MAGI1: variants seen among roughly 807,000 people sequenced by gnomAD.
MAGI1 encodes membrane-associated guanylate kinase, WW and PDZ domain-containing protein 1.
A neutral mutation model predicts 139.9 loss-of-function variants in MAGI1; 58 were observed. The observed-to-expected ratio is 0.41, with a 90% confidence interval of 0.34 to 0.52. The LOEUF is 0.52. MAGI1 is among the 20% of genes least tolerant of loss of function. MAGI1 has a pLI of 0.12. For synonymous variants in MAGI1, 812 were observed against 737.9 expected, an observed-to-expected ratio of 1.10 and a Z score of -1.63; for missense variants, 1,874 against 1,901.6, an observed-to-expected ratio of 0.99 and a Z score of 0.27.
chr3:65,520,450 C>A (rs1196130036), intron 2 of MAGI1, among the ~76,000 whole-genome samples: 1 of 152,140 alleles, frequency 6.6e-6, no homozygotes. Context: ...TTTTCCTGAA[C>A]CTCAGTCAGT....
At chr3:65,663,068 A>T (rs772259431) in intron 1 of MAGI1, among the ~76,000 whole-genome samples, 1 of 152,210 alleles carries the variant, frequency 6.6e-6, no homozygotes, top group Non-Finnish European at 1.5e-5. Context: ...CTGGGAATTC[A>T]ATACATATGT....
chr3:65,653,408 T>C (rs1486300144), intron 1 of MAGI1, among the ~76,000 whole-genome samples: 1 of 152,188 alleles, frequency 6.6e-6, no homozygotes. Context: ...TTGCATTCTT[T>C]CATGGGCTTT....
chr3:65,875,505 T>TTGCATGAGGAAA (rs1365560726), intron 1 of MAGI1, among the ~76,000 whole-genome samples: 1 of 152,176 alleles, frequency 6.6e-6, no homozygotes, highest in Non-Finnish European at 1.5e-5. Context: ...GCTACTGAGG[T>TTGCATGAGGAAA]TGCATGAGGA....
intron 12 of MAGI1, among the ~76,000 whole-genome samples, chr3:65,412,850 C>T (rs1945899546): frequency 1.3e-5 from 2 of 152,164 alleles, no homozygotes; most frequent in Non-Finnish European, 2.9e-5. Context: ...GACTTCCCAT[C>T]ACCACAGATG....
intron 1 of MAGI1, among the ~76,000 whole-genome samples, chr3:66,019,454 C>A (rs2067847891): frequency 6.6e-6 from 1 of 152,210 alleles, no homozygotes; most frequent in South Asian, 2.1e-4. Flanking sequence ...TTGAAAACCA[C>A]TGATCTTGAA....
At chr3:65,675,155 T>A (rs1466587580) in intron 1 of MAGI1, among the ~76,000 whole-genome samples, 1 of 152,208 alleles carries the variant, frequency 6.6e-6, no homozygotes, top group Non-Finnish European at 1.5e-5. Flanking sequence ...GTGTGGGCAC[T>A]GAGATTCATG....
At chr3:65,362,188 GAT>G (rs1940937699) in intron 21 of MAGI1, among the ~76,000 whole-genome samples, 1 of 152,102 alleles carries the variant, frequency 6.6e-6, no homozygotes, top group African/African-American at 2.4e-5. Context: ...AGAAGAGGCT[GAT>G]AATACCACTC....
intron 2 of MAGI1, among the ~76,000 whole-genome samples, chr3:65,606,499 C>T (rs1265461747): frequency 1.3e-5 from 2 of 151,748 alleles, no homozygotes; most frequent in African/African-American, 2.4e-5. Context: ...TGCCACCACA[C>T]CCGGATGTTT....
At chr3:65,614,870 A>G (rs539131654) in intron 2 of MAGI1, among the ~76,000 whole-genome samples, 1 of 152,148 alleles carries the variant, frequency 6.6e-6, no homozygotes, top group Non-Finnish European at 1.5e-5. Context: ...ACAGAAATAA[A>G]AAAGACCCAG....
At chr3:65,367,881 G>C (rs998662059) in intron 18 of MAGI1, among the ~76,000 whole-genome samples, 5 of 152,272 alleles carry the variant, frequency 3.3e-5, no homozygotes, top group Admixed American at 2.6e-4. Context: ...TCACCAAGCA[G>C]TATCAGAGAT....
At chr3:65,838,605 G>A (rs2058707163) in intron 1 of MAGI1, among the ~76,000 whole-genome samples, 1 of 152,142 alleles carries the variant, frequency 6.6e-6, no homozygotes, top group South Asian at 2.1e-4. Flanking sequence ...TCCATGGCAT[G>A]GATGTACCAC....
intron 1 of MAGI1, among the ~76,000 whole-genome samples, chr3:65,858,006 G>A (rs1196624125): frequency 1.3e-5 from 2 of 152,138 alleles, no homozygotes; most frequent in Non-Finnish European, 2.9e-5. Flanking sequence ...CTATTCCAGA[G>A]GCTGAGGTGG....
intron 1 of MAGI1, among the ~76,000 whole-genome samples, chr3:65,705,527 C>T (rs1043607005): frequency 6.6e-6 from 1 of 152,202 alleles, no homozygotes; most frequent in Non-Finnish European, 1.5e-5. Flanking sequence ...AGGTGCAAGT[C>T]AGTCTAAACA....
intron 1 of MAGI1, among the ~76,000 whole-genome samples, chr3:65,911,018 C>A (rs566168120): frequency 1.3e-5 from 2 of 151,542 alleles, no homozygotes; most frequent in African/African-American, 4.8e-5. Context: ...CCAGCACACC[C>A]GGCTAATTTT....
chr3:65,785,408 G>T (rs1244913446), intron 1 of MAGI1, among the ~76,000 whole-genome samples: 2 of 152,108 alleles, frequency 1.3e-5, no homozygotes, highest in African/African-American at 4.8e-5. Flanking sequence ...TGTCACCAAG[G>T]TTGGTGACAG....
chr3:65,967,321 T>G (rs908631146), intron 1 of MAGI1, among the ~76,000 whole-genome samples: 4 of 152,058 alleles, frequency 2.6e-5, no homozygotes, highest in African/African-American at 9.7e-5. Flanking sequence ...ATGTTTAAAA[T>G]TTTTCATAAG....
intron 1 of MAGI1, among the ~76,000 whole-genome samples, chr3:65,809,982 TCTCTCTCTCC>T (rs1197189002): frequency 6.6e-6 from 1 of 151,840 alleles, no homozygotes; most frequent in African/African-American, 2.4e-5. Context: ...ATCCTCTCTC[TCTCTCTCTCC>T]CTCTCTCTCA....
At chr3:65,473,446 A>G (rs920366321) in intron 4 of MAGI1, among the ~76,000 whole-genome samples, 1 of 152,122 alleles carries the variant, frequency 6.6e-6, no homozygotes, top group African/African-American at 2.4e-5. Flanking sequence ...TGCAACTACA[A>G]CTGTCCAAAC....
chr3:65,782,212 G>C (rs2038989090), intron 1 of MAGI1, among the ~76,000 whole-genome samples: 1 of 152,114 alleles, frequency 6.6e-6, no homozygotes, highest in Non-Finnish European at 1.5e-5. Flanking sequence ...ACTAATTATG[G>C]TGACCTTTAA....
Sources: allele counts gnomAD v4.1 joint callset (sites outside exome capture counted in the v4.1 genomes callset), GRCh38; gene constraint gnomAD v4.1.1; transcripts MANE v1.5; gene names NCBI Gene and HGNC (gene_info 2026-07-23, HGNC 2026-07-21).